Variants in TRIM24 observed in about 807,000 individuals in gnomAD.
TRIM24 encodes the protein tripartite motif containing 24.
TRIM24 carries 29 observed loss-of-function variants against 123.9 expected under a neutral mutation model. The observed-to-expected ratio is 0.23, with a 90% confidence interval of 0.17 to 0.32. The LOEUF is 0.32. Ranked by LOEUF, TRIM24 falls within the 10% of genes least tolerant of loss-of-function variation. The pLI is 1.00. For synonymous variants in TRIM24, 456 were observed against 461.1 expected, an observed-to-expected ratio of 0.99 and a Z score of 0.14; for missense variants, 932 against 1,295.3, an observed-to-expected ratio of 0.72 and a Z score of 4.31.
Position 138,460,491 on chromosome 7 carries a change from C to T in TRIM24, c.-58C>T. ...AGCCGCAGGAGGAGGAGGAGGTCGT[C>T]GGGGGCGGCGGGCGGAGACCGCGCT... On this transcript the variant is annotated 5_prime_UTR_variant, in exon 1 of 19. Coordinates refer to ENST00000343526, the MANE Select transcript of TRIM24 (RefSeq NM_015905.3). 4 of 1,255,544 alleles carry T rather than the reference C, an allele frequency of 3.2e-6. No homozygotes were observed. Among genetic ancestry groups the T allele is most frequent in the Non-Finnish European group, 4.0e-6 (4 of 1,003,906 alleles). 77.8% of individuals were successfully genotyped at this position (1,255,544 alleles called of 1,614,324 possible).
intron 4 of TRIM24, among the ~76,000 whole-genome samples, chr7:138,523,396 C>A (rs1057173253): frequency 2.6e-5 from 4 of 152,132 alleles, no homozygotes; most frequent in African/African-American, 4.8e-5. Flanking sequence ...TAATTTAAAA[C>A]CTTCCCACAA....
At chr7:138,528,011 T>G (rs1322760241) in intron 5 of TRIM24, among the ~76,000 whole-genome samples, 1 of 152,140 alleles carries the variant, frequency 6.6e-6, no homozygotes, top group Non-Finnish European at 1.5e-5. Flanking sequence ...GTGTGAAAGC[T>G]CAGGTACAGA....
intron 1 of TRIM24, among the ~76,000 whole-genome samples, chr7:138,488,667 T>C (rs1795705939): frequency 1.3e-5 from 2 of 152,224 alleles, no homozygotes; most frequent in Non-Finnish European, 2.9e-5. Context: ...TTTAAGTGAG[T>C]TTCTTAGTCC....
chr7:138,475,227 G>A (rs2116464818), intron 1 of TRIM24, among the ~76,000 whole-genome samples: 1 of 152,186 alleles, frequency 6.6e-6, no homozygotes. Context: ...GCTTATACTA[G>A]GGAATCAAAA....
intron 1 of TRIM24, among the ~76,000 whole-genome samples, chr7:138,499,396 C>T (rs769117638): frequency 1.3e-5 from 2 of 152,186 alleles, no homozygotes; most frequent in African/African-American, 4.8e-5. Context: ...CAACAGGTTA[C>T]ATGAAGTCCA....
At chr7:138,490,178 T>G (rs1283492308) in intron 1 of TRIM24, among the ~76,000 whole-genome samples, 1 of 152,188 alleles carries the variant, frequency 6.6e-6, no homozygotes, top group African/African-American at 2.4e-5. Flanking sequence ...CACCTAGTTC[T>G]CATGCCATGG....
intron 15 of TRIM24, among the ~76,000 whole-genome samples, chr7:138,580,301 G>A (rs1183210217): frequency 6.6e-6 from 1 of 152,038 alleles, no homozygotes; most frequent in Non-Finnish European, 1.5e-5. Context: ...ATTTGTTTAG[G>A]TGTTTCTTTT....
chr7:138,542,358 A>G (rs531656008), intron 7 of TRIM24, among the ~76,000 whole-genome samples: 3 of 152,314 alleles, frequency 2.0e-5, no homozygotes, highest in African/African-American at 7.2e-5. Context: ...GTCTGAGACT[A>G]CGGAGGCCTG....
At position 138,508,676 on chromosome 7, in the gene TRIM24, T is replaced by TGTGTGC. The variant is rs1276849782; in HGVS notation, c.483+4273_483+4274insCGTGTG. ...CTAATAAGAGGAGTGTGTGTGTGTG[T>TGTGTGC]GTGTGTGTGTGTGTGTGCGCGCGCG... is the stretch of plus-strand genomic sequence containing the variant. On this transcript the variant is annotated intron_variant, in intron 2 of 18. Coordinates refer to ENST00000343526, the MANE Select transcript of TRIM24 (RefSeq NM_015905.3). Among the ~76,000 whole-genome samples the TGTGTGC allele has an allele frequency of 5.8e-3, 324 of 55,728 alleles. 1 individual carries two copies. The highest frequency in any genetic ancestry group is 0.014 in the Middle Eastern group (2 of 140). 36.6% of individuals were successfully genotyped at this position (55,728 alleles called of 152,430 possible).
chr7:138,527,180 T>C (rs1257791840), intron 5 of TRIM24, among the ~76,000 whole-genome samples: 1 of 152,230 alleles, frequency 6.6e-6, no homozygotes, highest in Non-Finnish European at 1.5e-5. Context: ...TTCTCATTGC[T>C]AGTACTTCAC....
At chr7:138,557,328 G>T (rs1266532154) in intron 9 of TRIM24, among the ~76,000 whole-genome samples, 1 of 152,092 alleles carries the variant, frequency 6.6e-6, no homozygotes, top group Non-Finnish European at 1.5e-5. Flanking sequence ...AAGTTTAATG[G>T]AAAGCATCTC....
At chr7:138,505,083 G>A (rs943161481) in intron 2 of TRIM24, among the ~76,000 whole-genome samples, 3 of 152,028 alleles carry the variant, frequency 2.0e-5, no homozygotes, top group Non-Finnish European at 2.9e-5. Flanking sequence ...CTATTGATGA[G>A]GCAACCTAAA....
chr7:138,574,780 A>T (rs1797722718), intron 12 of TRIM24, among the ~76,000 whole-genome samples: 1 of 152,202 alleles, frequency 6.6e-6, no homozygotes, highest in South Asian at 2.1e-4. Flanking sequence ...CCAATATTGT[A>T]CTGTGGGCAA....
chr7:138,529,054 A>C (rs546229894), intron 5 of TRIM24, 62 bp from the exon 6 acceptor site: 15 of 1,018,532 alleles, frequency 1.5e-5, no homozygotes, highest in Non-Finnish European at 2.1e-5. Flanking sequence ...AGACATTAAA[A>C]CGTCAATTTT....
At chr7:138,562,761 G>A (rs1797453127) in intron 9 of TRIM24, among the ~76,000 whole-genome samples, 1 of 152,178 alleles carries the variant, frequency 6.6e-6, no homozygotes, top group Non-Finnish European at 1.5e-5. Context: ...TTCCTGGTTT[G>A]TGAGACAGTT....
intron 10 of TRIM24, among the ~76,000 whole-genome samples, chr7:138,570,525 A>G (rs112315986): frequency 0.018 from 2,809 of 152,216 alleles, 74 homozygotes; most frequent in African/African-American, 0.062. Flanking sequence ...TGAAGTTGCT[A>G]TGTATATATT....
In TRIM24 at chr7:138,573,564, G is replaced by A. The variant is rs1305314138; in HGVS notation, c.1936G>A (p.Asp646Asn). 4.3e-6 allele frequency: 7 copies of A among 1,613,812 alleles called. No individual in the cohort carries two copies. The South Asian group carries it at 7.7e-5, about 18-fold the overall frequency. Residue 646 changes from aspartate (D) to asparagine (N), a missense_variant, in exon 12 of 19, where the codon GAT becomes AAT. By Grantham distance (23) the Asp-to-Asn change is conservative. Transcript: ENST00000343526. ...DNIVRKDTNI[D>N]HGQPRPPSNR... ...TATTGTGAGGAAAGATACTAATATA[G>A]ATCATGGCCAGCCAAGACCACCCTC...
chr7:138,462,615 C>A (rs1229054209), intron 1 of TRIM24, among the ~76,000 whole-genome samples: 1 of 151,930 alleles, frequency 6.6e-6, no homozygotes, highest in Non-Finnish European at 1.5e-5. Context: ...GCTGGGATTA[C>A]AGGCGTGAGC....
intron 18 of TRIM24, 144 bp from the exon 19 acceptor site, chr7:138,584,598 C>G: frequency 1.7e-6 from 1 of 600,850 alleles, no homozygotes; most frequent in East Asian, 3.1e-5. Flanking sequence ...TTTAGCTGGC[C>G]TTCTGTACAG....
Sources: gnomAD v4.1 joint callset for allele counts (sites outside exome capture counted in the v4.1 genomes callset) on GRCh38, gnomAD v4.1.1 for gene constraint, MANE v1.5 for transcripts, NCBI Gene and HGNC (gene_info 2026-07-23, HGNC 2026-07-21) for gene names.